CCNYL1: variants seen among roughly 807,000 people sequenced by gnomAD.
CCNYL1 encodes cyclin Y like 1.
A neutral mutation model predicts 44.2 loss-of-function variants in CCNYL1; 16 were observed. That is an observed-to-expected ratio of 0.36 (90% CI 0.25 to 0.55). The LOEUF is 0.55. Among genes scored for constraint, CCNYL1 ranks in the 20% least tolerant of loss-of-function variants. The pLI, the probability that CCNYL1 is intolerant of heterozygous loss-of-function variation, is 0.85. For synonymous variants in CCNYL1, 159 were observed against 163.2 expected, an observed-to-expected ratio of 0.97 and a Z score of 0.20; for missense variants, 348 against 451.8, an observed-to-expected ratio of 0.77 and a Z score of 2.08.
intron 9 of CCNYL1, 121 bp downstream of exon 9, chr2:207,751,240 G>T (rs937763828): frequency 3.1e-5 from 25 of 793,658 alleles, no homozygotes; most frequent in Non-Finnish European, 4.9e-5. Flanking sequence ...TAACACTGAA[G>T]AGCTTATTAG....
intron 1 of CCNYL1, among the ~76,000 whole-genome samples, chr2:207,712,352 C>G (rs892701857): frequency 6.6e-6 from 1 of 152,238 alleles, no homozygotes; most frequent in African/African-American, 2.4e-5. Flanking sequence ...TCCCATTCTC[C>G]CAAGCCGGCG....
chr2:207,728,900 A>G lies in CCNYL1; in HGVS notation c.330+2024A>G, dbSNP rs146913387. On this transcript the variant is annotated intron_variant, in intron 3 of 9. Transcript: ENST00000295414. ...CAATCCCCACCTCCCAAGTTCAAGCAATTCTCCTGCCTTAGCCTCCCAAGT... is the reference window on the plus strand; with the variant it reads ...CAATCCCCACCTCCCAAGTTCAAGCGATTCTCCTGCCTTAGCCTCCCAAGT... Among the ~76,000 whole-genome samples, 331 of 151,922 alleles carry G rather than the reference A, an allele frequency of 2.2e-3. No individual in the cohort carries two copies. The Middle Eastern group carries it at 0.024, about 11-fold the overall frequency.
At chr2:207,726,423 C>T (rs1346647892) in intron 2 of CCNYL1, among the ~76,000 whole-genome samples, 1 of 152,176 alleles carries the variant, frequency 6.6e-6, no homozygotes, top group Non-Finnish European at 1.5e-5. Flanking sequence ...GAGATTGGCA[C>T]CTAGCCAGAA....
chr2:207,719,364 G>A (rs911970924), intron 1 of CCNYL1, among the ~76,000 whole-genome samples: 5 of 145,074 alleles, frequency 3.4e-5, no homozygotes, highest in African/African-American at 1.0e-4. Flanking sequence ...ACAGTGGCAC[G>A]AGCTCAGCTC....
At chr2:207,713,777 C>T (rs921999899) in intron 1 of CCNYL1, among the ~76,000 whole-genome samples, 3 of 152,140 alleles carry the variant, frequency 2.0e-5, no homozygotes, top group African/African-American at 4.8e-5. Context: ...ACTTACCTTT[C>T]GGAATATTCA....
Position 207,742,227 on chromosome 2 carries a change from A to G in CCNYL1, c.524A>G (p.Glu175Gly). The G allele has an allele frequency of 6.3e-7, 1 of 1,599,024 alleles. No homozygotes were observed. Among genetic ancestry groups the G allele is most frequent in the Non-Finnish European group, 8.5e-7 (1 of 1,175,962 alleles). The change falls in exon 7 of 10, where the codon GAA becomes GGA. Residue 175 changes from glutamate to glycine, a missense_variant. Glu to Gly is a moderately conservative substitution (Grantham distance 98). Around this residue, in one of 3 missense-constraint regions of CCNYL1, gnomAD observed 209 missense variants for 247.7 expected, o/e 0.84. Transcript: ENST00000295414. The part of the protein sequence containing the change: ...FDERSHPLTR[E>G]KVPEEYFKHD... ...TTGCATCTTTTCTTCTTTCAGCGAG[A>G]AAAAGTTCCAGAGGAATACTTTAAG...
intron 4 of CCNYL1, among the ~76,000 whole-genome samples, chr2:207,734,772 C>CT (rs34143454): frequency 0.13 from 19,464 of 149,262 alleles, 2,075 homozygotes; most frequent in East Asian, 0.38. Flanking sequence ...AATGTACTAG[C>CT]TTTTTTTTTT....
chr2:207,753,639 A>C lies in CCNYL1; in HGVS notation c.1021A>C (p.Arg341=). The change falls in exon 10 of 10, where the codon AGG becomes CGG. Residue 341 remains arginine, a synonymous_variant. Coordinates refer to ENST00000295414, the MANE Select transcript of CCNYL1 (RefSeq NM_001330218.2). ...DKDLCRAAMR[R]SFSADNFIGI... is the part of the protein sequence containing the mutation. Reference sequence around the variant, plus strand: ...AGACTTGTGTAGAGCCGCTATGAGAAGGTCTTTCAGTGCTGATAACTTCAT... The same window carrying C: ...AGACTTGTGTAGAGCCGCTATGAGACGGTCTTTCAGTGCTGATAACTTCAT... The C allele has an allele frequency of 6.2e-7, 1 of 1,613,240 alleles. No homozygotes were observed. The highest frequency in any genetic ancestry group is 8.5e-7 in the Non-Finnish European group (1 of 1,179,510).
chr2:207,721,839 A>G (rs375767136), intron 1 of CCNYL1, among the ~76,000 whole-genome samples: 14 of 151,502 alleles, frequency 9.2e-5, no homozygotes, highest in Admixed American at 6.6e-4. Flanking sequence ...AGCTCAAGCA[A>G]TTCTCCTGCC....
intron 3 of CCNYL1, among the ~76,000 whole-genome samples, chr2:207,731,040 C>T (rs2091722278): frequency 6.6e-6 from 1 of 152,142 alleles, no homozygotes; most frequent in Non-Finnish European, 1.5e-5. Context: ...TTATACTCTT[C>T]TAGTAAGGCC....
chr2:207,744,170 G>T (rs897622108), intron 7 of CCNYL1, among the ~76,000 whole-genome samples: 5 of 152,034 alleles, frequency 3.3e-5, no homozygotes, highest in Non-Finnish European at 5.9e-5. Flanking sequence ...AAGCAAGAAG[G>T]TAAAGAGTGC....
chr2:207,725,022 C>CCTG, intron 2 of CCNYL1, 148 bp downstream of exon 2: 1 of 620,452 alleles, frequency 1.6e-6, no homozygotes, highest in Non-Finnish European at 2.8e-6. Context: ...ATGTGATATA[C>CCTG]TTTCCTTTAG....
intron 1 of CCNYL1, chr2:207,714,920 C>CT (rs1205008990): frequency 2.0e-5 from 3 of 152,210 alleles, no homozygotes; most frequent in Non-Finnish European, 2.9e-5. Flanking sequence ...CTTTTAATAT[C>CT]TTTATTTCAG....
rs1187016579 is a variant in CCNYL1 at position 207,753,851 on chromosome 2, T to C, written c.*153T>C. ...GACTCATGGACAACAAGGATTATAC[T>C]CCACAGGAAAGAATGGGACCTTGTC... On this transcript the variant is annotated 3_prime_UTR_variant, in exon 10 of 10. Coordinates refer to ENST00000295414, the MANE Select transcript of CCNYL1 (RefSeq NM_001330218.2). The C allele has an allele frequency of 1.6e-5, 9 of 561,618 alleles. No individual in the cohort carries two copies. Among genetic ancestry groups the C allele is most frequent in the Non-Finnish European group, 2.5e-5 (8 of 315,274 alleles). 34.8% of individuals were successfully genotyped at this position (561,618 alleles called of 1,614,324 possible).
chr2:207,753,977 G>T lies in CCNYL1; in HGVS notation c.*279G>T, dbSNP rs548878493. ...TCCTACACACAGATATTTGCTTACT[G>T]TGTGGGCCGATAGCTGTGAACTATG... is the stretch of plus-strand genomic sequence containing the variant. On this transcript the variant is annotated 3_prime_UTR_variant, in exon 10 of 10. Transcript: ENST00000295414. 10 of 310,572 alleles carry T rather than the reference G, an allele frequency of 3.2e-5. No homozygotes were observed. The South Asian group carries it at 1.1e-3, about 33-fold the overall frequency. The allele number at this position is 310,572 out of a possible 1,614,324, so 19.2% of individuals were successfully genotyped here. A position where few individuals can be genotyped will look rare whatever the true frequency, so the allele number is the denominator to read the frequency against.
At position 207,742,246 on chromosome 2, in the gene CCNYL1, C is replaced by G; in HGVS notation, c.543C>G (p.Tyr181Ter). The change falls in exon 7 of 10, where the codon TAC (tyrosine) becomes TAG (stop). Residue 181 changes from tyrosine to a stop codon, truncating the protein, a stop_gained. Transcript: ENST00000295414. LOFTEE classifies it high-confidence loss of function. ...AGCGAGAAAAAGTTCCAGAGGAATA[C>G]TTTAAGCATGATCCTGAGCACAAAT... ...PLTREKVPEEYFKHDPEHKFI... is the reference protein window; with the variant it reads ...PLTREKVPEE 6.2e-7 allele frequency: 1 copy of G among 1,609,684 alleles called. No homozygotes were observed. The highest frequency in any genetic ancestry group is 2.0e-4 in the Middle Eastern group (1 of 5,074).
At chr2:207,727,004 C>G in intron 3 of CCNYL1, 128 bp downstream of exon 3, 1 of 578,942 alleles carries the variant, frequency 1.7e-6, no homozygotes, top group Non-Finnish European at 2.9e-6. Flanking sequence ...TTTTCTAAAT[C>G]ATTTCTATTT....
At chr2:207,742,487 T>C in intron 7 of CCNYL1, 145 bp downstream of exon 7, 1 of 738,344 alleles carries the variant, frequency 1.4e-6, no homozygotes, top group Non-Finnish European at 2.2e-6. Context: ...ATACGTACAT[T>C]CGCGTTTAAT....
intron 9 of CCNYL1, 137 bp downstream of exon 9, chr2:207,751,256 T>A: frequency 1.5e-6 from 1 of 686,050 alleles, no homozygotes; most frequent in South Asian, 2.3e-5. Flanking sequence ...ATTAGCCCTT[T>A]GGCGTCAGAT....
Sources: allele counts gnomAD v4.1 joint callset (sites outside exome capture counted in the v4.1 genomes callset), GRCh38; gene constraint gnomAD v4.1.1; regional missense constraint gnomAD v4.1.1; transcripts MANE v1.5; gene names NCBI Gene and HGNC (gene_info 2026-07-23, HGNC 2026-07-21).